ZFPM2: variants seen among roughly 807,000 people sequenced by gnomAD.
ZFPM2 encodes zinc finger protein, FOG family member 2.
In ZFPM2, 20 loss-of-function variants were observed where a neutral mutation model predicts 98.6. The ratio of observed to expected loss-of-function variants is 0.20; its 90% confidence interval spans 0.14 to 0.29. The LOEUF is 0.29. ZFPM2 is among the 10% of genes least tolerant of loss of function. The pLI, the probability that ZFPM2 is intolerant of heterozygous loss-of-function variation, is 1.00. For missense variants in ZFPM2, 1,310 were observed against 1,388.6 expected (o/e 0.94, Z 0.90); for synonymous variants, 518 against 502.7 (o/e 1.03, Z -0.41).
At position 105,628,953 on chromosome 8, in the gene ZFPM2, C is replaced by T. The variant is rs116113952; in HGVS notation, c.421-5293C>T. On this transcript the variant is annotated intron_variant, in intron 4 of 7. Coordinates refer to ENST00000407775, the MANE Select transcript of ZFPM2 (RefSeq NM_012082.4). ...GAACTGTTAACAGTTAAGCTGACTG[C>T]GGACAGCAGAGCTAAAATAGCACTG... 4.7e-3 allele frequency among the ~76,000 whole-genome samples: 720 copies of T among 152,242 alleles called. 2 individuals are homozygous for T. Among genetic ancestry groups the T allele is most frequent in the African/African-American group, 0.016 (680 of 41,550 alleles).
At chr8:105,564,438 A>G (rs958712557) in intron 4 of ZFPM2, among the ~76,000 whole-genome samples, 1 of 152,034 alleles carries the variant, frequency 6.6e-6, no homozygotes, top group African/African-American at 2.4e-5. Flanking sequence ...ATCCTCTTCC[A>G]AAATTTACTT....
intron 3 of ZFPM2, among the ~76,000 whole-genome samples, chr8:105,490,453 C>A (rs1813335469): frequency 6.6e-6 from 1 of 152,132 alleles, no homozygotes; most frequent in Non-Finnish European, 1.5e-5. Context: ...AATCTGTAGT[C>A]CAGAATAATA....
At chr8:105,752,591 C>T (rs1812505672) in intron 5 of ZFPM2, among the ~76,000 whole-genome samples, 3 of 152,140 alleles carry the variant, frequency 2.0e-5, no homozygotes, top group Admixed American at 2.0e-4. Context: ...GTGTTTCGTT[C>T]ATAATTTATC....
intron 4 of ZFPM2, among the ~76,000 whole-genome samples, chr8:105,620,329 T>A (rs1373660990): frequency 6.6e-6 from 1 of 152,226 alleles, no homozygotes; most frequent in Non-Finnish European, 1.5e-5. Context: ...ATAAATGCCT[T>A]CTTTTGAGGA....
intron 3 of ZFPM2, among the ~76,000 whole-genome samples, chr8:105,481,129 G>T (rs1813108778): frequency 6.6e-6 from 1 of 152,034 alleles, no homozygotes; most frequent in African/African-American, 2.4e-5. Context: ...CGGACTAGGA[G>T]AACATGTTAC....
intron 3 of ZFPM2, among the ~76,000 whole-genome samples, chr8:105,547,896 T>A (rs1312000796): frequency 1.3e-5 from 2 of 152,172 alleles, no homozygotes; most frequent in East Asian, 3.9e-4. Context: ...TTTACAAATA[T>A]CCTTTAAATG....
chr8:105,330,593 T>TATACATATATATAC (rs1491107072), intron 1 of ZFPM2, among the ~76,000 whole-genome samples: 3 of 40,388 alleles, frequency 7.4e-5, no homozygotes, highest in African/African-American at 2.9e-4. Flanking sequence ...TATATATATA[T>TATACATATATATAC]ACATATATAT....
chr8:105,452,667 G>C lies in ZFPM2; in HGVS notation c.301+8286G>C, dbSNP rs188733158. On this transcript the variant is annotated intron_variant, in intron 3 of 7. Transcript: ENST00000407775. ...CTTGGGAGGCTGAGGCAGGAGGATT[G>C]CTTGAACCTAGGAATTTGAGGCTAT... Among the ~76,000 whole-genome samples the C allele has an allele frequency of 7.0e-3, 1,059 of 152,130 alleles. 7 individuals carry two copies. The highest frequency in any genetic ancestry group is 0.011 in the Non-Finnish European group (773 of 68,010).
At chr8:105,711,095 T>G (rs10505081) in intron 5 of ZFPM2, among the ~76,000 whole-genome samples, 1,677 of 152,152 alleles carry the variant, frequency 0.011, 31 homozygotes, top group African/African-American at 0.038. Flanking sequence ...GTCAGCAAAC[T>G]ATGTCTCTGT....
At chr8:105,483,305 T>A (rs1434636879) in intron 3 of ZFPM2, among the ~76,000 whole-genome samples, 2 of 152,166 alleles carry the variant, frequency 1.3e-5, no homozygotes, top group East Asian at 3.9e-4. Flanking sequence ...TTATGTTCAG[T>A]TGAGCTGGGT....
Position 105,802,902 on chromosome 8 carries a change from A to C in ZFPM2, c.2820A>C (p.Gln940His). 1 of 1,613,760 alleles carries C rather than the reference A, an allele frequency of 6.2e-7. No homozygotes were observed. Among genetic ancestry groups the C allele is most frequent in the Non-Finnish European group, 8.5e-7 (1 of 1,179,824 alleles). Residue 940 changes from glutamine (Q) to histidine (H), a missense_variant, in exon 8 of 8, where the codon CAA becomes CAC. Coordinates refer to ENST00000407775, the MANE Select transcript of ZFPM2 (RefSeq NM_012082.4). Reference protein sequence around the residue: ...NLFSSHLATLQGLKVFSEAAQ... With the variant: ...NLFSSHLATLHGLKVFSEAAQ... ...TTTCATCCCACCTAGCAACCCTGCA[A>C]GGCTTGAAGGTCTTTAGTGAAGCTG...
chr8:105,739,812 A>G (rs1197773863), intron 5 of ZFPM2, among the ~76,000 whole-genome samples: 1 of 152,030 alleles, frequency 6.6e-6, no homozygotes, highest in Non-Finnish European at 1.5e-5. Flanking sequence ...ATGGTAGGGT[A>G]GAGGTTGGTG....
intron 5 of ZFPM2, among the ~76,000 whole-genome samples, chr8:105,777,906 G>C (rs1813140389): frequency 6.6e-6 from 1 of 152,094 alleles, no homozygotes; most frequent in Non-Finnish European, 1.5e-5. Flanking sequence ...TCTGTGCTGG[G>C]CTCCCTTTTG....
At chr8:105,635,569 G>A (rs1403962419) in intron 5 of ZFPM2, among the ~76,000 whole-genome samples, 8 of 152,146 alleles carry the variant, frequency 5.3e-5, no homozygotes, top group African/African-American at 1.7e-4. Flanking sequence ...TGGTATGCTG[G>A]TGGGAGCTTT....
intron 5 of ZFPM2, among the ~76,000 whole-genome samples, chr8:105,704,854 A>G (rs770049805): frequency 6.6e-6 from 1 of 152,134 alleles, no homozygotes; most frequent in Non-Finnish European, 1.5e-5. Context: ...TTGACCATTT[A>G]GTTCACTGGT....
At chr8:105,719,661 A>G (rs925326292) in intron 5 of ZFPM2, among the ~76,000 whole-genome samples, 6 of 151,894 alleles carry the variant, frequency 4.0e-5, no homozygotes, top group African/African-American at 1.4e-4. Flanking sequence ...AGTGCTTCCC[A>G]CAGCATCTAA....
intron 1 of ZFPM2, among the ~76,000 whole-genome samples, chr8:105,338,066 A>T (rs543406324): frequency 6.6e-6 from 1 of 151,884 alleles, no homozygotes; most frequent in Non-Finnish European, 1.5e-5. Flanking sequence ...AATTAAAATG[A>T]TTTATTTACT....
At chr8:105,445,369 C>T (rs905176974) in intron 3 of ZFPM2, among the ~76,000 whole-genome samples, 7 of 152,102 alleles carry the variant, frequency 4.6e-5, no homozygotes, top group African/African-American at 1.7e-4. Context: ...TAATGCTATA[C>T]AAGATTTTAT....
intron 3 of ZFPM2, among the ~76,000 whole-genome samples, chr8:105,555,656 A>G (rs1305350380): frequency 6.6e-6 from 1 of 152,204 alleles, no homozygotes; most frequent in Admixed American, 6.6e-5. Context: ...GAACTACATT[A>G]TCAAGGAGAA....
Sources: allele counts gnomAD v4.1 joint callset (sites outside exome capture counted in the v4.1 genomes callset), GRCh38; gene constraint gnomAD v4.1.1; transcripts MANE v1.5; gene names NCBI Gene and HGNC (gene_info 2026-07-23, HGNC 2026-07-21).